Variants in LMAN2 observed in about 807,000 individuals in gnomAD.
LMAN2 encodes the protein vesicular integral-membrane protein VIP36.
Under a neutral mutation model 39.3 loss-of-function variants are expected in LMAN2, and 22 were observed. The ratio of observed to expected loss-of-function variants is 0.56; its 90% CI spans 0.40 to 0.80. LMAN2 has a LOEUF of 0.80. LMAN2 is among the 30% of genes least tolerant of loss of function. The probability of loss-of-function intolerance (pLI) is 0.00; values close to 1 mark genes in which losing one functional copy is unlikely to be tolerated. For missense variants in LMAN2, 494 were observed against 505.4 expected (o/e 0.98, Z 0.22); for synonymous variants, 207 against 207.8 (o/e 1.00, Z 0.03).
chr5:177,349,746 A>G (rs904548037), intron 2 of LMAN2, among the ~76,000 whole-genome samples: 1 of 152,266 alleles, frequency 6.6e-6, no homozygotes, highest in Non-Finnish European at 1.5e-5. Context: ...CATGAAAAAT[A>G]TAAGGCTGAA....
intron 2 of LMAN2, among the ~76,000 whole-genome samples, chr5:177,340,755 G>A (rs1264392188): frequency 6.6e-6 from 1 of 151,230 alleles, no homozygotes; most frequent in African/African-American, 2.4e-5. Context: ...GGGCAACAGA[G>A]TGAGACTCTT....
chr5:177,338,080 C>T (rs1226499012), intron 3 of LMAN2, among the ~76,000 whole-genome samples: 1 of 152,100 alleles, frequency 6.6e-6, no homozygotes, highest in Non-Finnish European at 1.5e-5. Flanking sequence ...CACAGGACAG[C>T]CCTACCCAGG....
At chr5:177,349,068 A>C (rs1030294179) in intron 2 of LMAN2, among the ~76,000 whole-genome samples, 4 of 152,200 alleles carry the variant, frequency 2.6e-5, no homozygotes, top group Non-Finnish European at 5.9e-5. Flanking sequence ...CTACAACAGC[A>C]AAGAAAGCTT....
At chr5:177,351,420 C>A in intron 1 of LMAN2, 32 bp downstream of exon 1, 1 of 1,608,780 alleles carries the variant, frequency 6.2e-7, no homozygotes. Context: ...CTCGCCCTCA[C>A]TCTTCACTCA....
chr5:177,338,756 AC>A, intron 2 of LMAN2, 151 bp from the exon 3 acceptor site: 1 of 687,090 alleles, frequency 1.5e-6, no homozygotes, highest in Non-Finnish European at 2.6e-6. Flanking sequence ...AGTGCCACTG[AC>A]CACAGACCCC....
chr5:177,336,505 G>A (rs990254796), intron 6 of LMAN2, among the ~76,000 whole-genome samples: 1 of 152,232 alleles, frequency 6.6e-6, no homozygotes, highest in Admixed American at 6.5e-5. Flanking sequence ...GAGAGACACT[G>A]GTGGCCTGAA....
In LMAN2 at chr5:177,337,579, G is replaced by A. The variant is rs926507098; in HGVS notation, c.514-55C>T. 6 of 1,608,214 alleles carry A rather than the reference G, an allele frequency of 3.7e-6. No homozygotes were observed. The highest frequency in any genetic ancestry group is 5.1e-6 in the Non-Finnish European group (6 of 1,175,894). On this transcript the variant is annotated intron_variant, in intron 4 of 7. Coordinates refer to ENST00000303127, the MANE Select transcript of LMAN2 (RefSeq NM_006816.3). This position sits in a 1 kb window ranked among gnomAD's most constrained non-coding sequence, Gnocchi z 8.2. ...GCAGCCCAGCCTGTGGGGCGAGCAG[G>A]GGCACCCACCACCCCAATCCCTGGA...
intron 1 of LMAN2, 46 bp downstream of exon 1, chr5:177,351,406 C>G (rs2127321027): frequency 6.2e-7 from 1 of 1,605,770 alleles, no homozygotes; most frequent in Non-Finnish European, 8.5e-7. Context: ...TAGCCCTGTT[C>G]AGCCTCGCCC....
At chr5:177,348,558 C>T (rs1025441916) in intron 2 of LMAN2, among the ~76,000 whole-genome samples, 1 of 151,838 alleles carries the variant, frequency 6.6e-6, no homozygotes, top group Admixed American at 6.6e-5. Context: ...CATGGCAGTG[C>T]GCGCCTGTAA....
chr5:177,345,251 G>A (rs1394494747), intron 2 of LMAN2, among the ~76,000 whole-genome samples: 1 of 150,336 alleles, frequency 6.7e-6, no homozygotes, highest in East Asian at 1.9e-4. Context: ...AGGCTGAGGT[G>A]GGAGGATCAC....
intron 2 of LMAN2, among the ~76,000 whole-genome samples, chr5:177,342,190 GT>G (rs1161851246): frequency 6.6e-6 from 1 of 152,116 alleles, no homozygotes; most frequent in Non-Finnish European, 1.5e-5. Flanking sequence ...TTATAATTAT[GT>G]CAAAATAAAA....
At chr5:177,346,848 C>G (rs1226573231) in intron 2 of LMAN2, among the ~76,000 whole-genome samples, 3 of 152,028 alleles carry the variant, frequency 2.0e-5, no homozygotes, top group Non-Finnish European at 4.4e-5. Flanking sequence ...CTTATAAAAG[C>G]AAGCAGACAA....
chr5:177,351,479 C>T lies in LMAN2; in HGVS notation c.169G>A (p.Glu57Lys). The T allele has an allele frequency of 1.2e-6, 2 of 1,613,612 alleles. No individual in the cohort carries two copies. The highest frequency in any genetic ancestry group is 1.7e-6 in the Non-Finnish European group (2 of 1,179,794). ...TDGNSEHLKR[E>K]HSLIKPYQGV... The stretch of plus-strand genomic sequence containing the variant: ...TGGTAGGGCTTAATGAGCGAATGCT[C>T]CCGCTTGAGATGTTCACTGTTGCCG... The change falls in exon 1 of 8, where the codon GAG becomes AAG. Residue 57 changes from glutamate (E) to lysine (K), a missense_variant. Physicochemically the swap from Glu to Lys is moderately conservative, Grantham distance 56. Coordinates refer to ENST00000303127, the MANE Select transcript of LMAN2 (RefSeq NM_006816.3).
In LMAN2 at chr5:177,337,155, G is replaced by T. The variant is rs139795309; in HGVS notation, c.771C>A (p.Ala257=). The T allele has an allele frequency of 6.2e-7, 1 of 1,613,326 alleles. No homozygotes were observed. Among genetic ancestry groups the T allele is most frequent in the South Asian group, 1.1e-5 (1 of 91,080 alleles). ...LPTGYYFGAS[A]GTGDLSDNHD... ...ACTCACCAGACAGGTCGCCGGTGCC[G>T]GCGGAGGCCCCGAAGTAGTAGCCGG... The change falls in exon 6 of 8, where the codon GCC becomes GCA. Residue 257 remains alanine (A), a synonymous_variant. Coordinates refer to ENST00000303127, the MANE Select transcript of LMAN2 (RefSeq NM_006816.3). The surrounding 1 kb of genome is among the most constrained non-coding windows in gnomAD (Gnocchi z 8.2).
intron 6 of LMAN2, among the ~76,000 whole-genome samples, chr5:177,336,461 T>C (rs1271645850): frequency 2.0e-5 from 3 of 152,002 alleles, no homozygotes; most frequent in African/African-American, 7.3e-5. Context: ...TGTTGGGGGC[T>C]GGTGAAGGAG....
At chr5:177,345,009 G>A (rs776404661) in intron 2 of LMAN2, among the ~76,000 whole-genome samples, 1 of 151,976 alleles carries the variant, frequency 6.6e-6, no homozygotes, top group Non-Finnish European at 1.5e-5. Flanking sequence ...ACGTACAACA[G>A]TGGAAACATT....
intron 2 of LMAN2, among the ~76,000 whole-genome samples, chr5:177,339,551 C>T (rs1206632133): frequency 6.6e-6 from 1 of 152,158 alleles, no homozygotes; most frequent in African/African-American, 2.4e-5. Flanking sequence ...CACACGGTGA[C>T]AAGAATCCAC....
chr5:177,335,828 C>T (rs1761461021), intron 6 of LMAN2, among the ~76,000 whole-genome samples: 1 of 152,198 alleles, frequency 6.6e-6, no homozygotes, highest in Non-Finnish European at 1.5e-5. Flanking sequence ...GAGGATAAAC[C>T]GCCCATGTCA....
Position 177,349,976 on chromosome 5 carries a change from G to C in LMAN2, c.315+1197C>G, listed in dbSNP as rs556448831. 6.6e-5 allele frequency among the ~76,000 whole-genome samples: 10 copies of C among 152,294 alleles called. No homozygotes were observed. The East Asian group carries it at 9.6e-4, about 15-fold the overall frequency. ...GGTCCTGAGGCAAGAAGGCAGCCAG[G>C]GGGGGCTGGAACAAAATTAACACAG... is the stretch of plus-strand genomic sequence containing the variant. On this transcript the variant is annotated intron_variant, in intron 2 of 7. Coordinates refer to ENST00000303127, the MANE Select transcript of LMAN2 (RefSeq NM_006816.3).
Sources: allele counts gnomAD v4.1 joint callset (sites outside exome capture counted in the v4.1 genomes callset), GRCh38; gene constraint gnomAD v4.1.1; non-coding constraint Gnocchi (gnomAD v3.1); transcripts MANE v1.5; gene names NCBI Gene and HGNC (gene_info 2026-07-23, HGNC 2026-07-21).